ABTB3: variants seen among roughly 807,000 people sequenced by gnomAD.
ABTB3 encodes the protein ankyrin repeat- and BTB/POZ domain-containing protein 3.
chr12:107,578,417 T>C, the ABTB3 span, among the ~76,000 whole-genome samples: 4 of 130,910 alleles, frequency 3.1e-5, no homozygotes, highest in African/African-American at 1.2e-4. Context: ...TTTTTTTTGC[T>C]ATTCTTTGGC....
chr12:107,465,040 AGTAGGAGGGGAGAGT>A, the ABTB3 span, among the ~76,000 whole-genome samples: 1 of 152,098 alleles, frequency 6.6e-6, no homozygotes, highest in Non-Finnish European at 1.5e-5. Flanking sequence ...CCTGGTCTAG[AGTAGGAGGGGAGAGT>A]GTTAAGAATT....
chr12:107,377,554 G>A, the ABTB3 span, among the ~76,000 whole-genome samples: 1 of 152,124 alleles, frequency 6.6e-6, no homozygotes, highest in Non-Finnish European at 1.5e-5. Context: ...GGGTCTTAGA[G>A]GGTCCCATGT....
chr12:107,518,759 A>T, the ABTB3 span, among the ~76,000 whole-genome samples: 1 of 152,208 alleles, frequency 6.6e-6, no homozygotes, highest in Non-Finnish European at 1.5e-5. Context: ...AATAATAAAA[A>T]ATAAATAAAT....
At chr12:107,399,380 A>G in the ABTB3 span, among the ~76,000 whole-genome samples, 1 of 152,218 alleles carries the variant, frequency 6.6e-6, no homozygotes, top group Admixed American at 6.5e-5. Flanking sequence ...GCAGGGGCAC[A>G]GCACCCCACC....
At chr12:107,646,429 CTTATTG>C in the ABTB3 span, among the ~76,000 whole-genome samples, 1 of 148,182 alleles carries the variant, frequency 6.7e-6, no homozygotes, top group Non-Finnish European at 1.5e-5. Flanking sequence ...TCTTAAGGCT[CTTATTG>C]TTATTTGTTT....
chr12:107,336,185 C>T, the ABTB3 span, among the ~76,000 whole-genome samples: 1 of 152,230 alleles, frequency 6.6e-6, no homozygotes, highest in Admixed American at 6.5e-5. Context: ...TGCTTGTTGT[C>T]ATTTGTCAAA....
At chr12:107,376,126 G>C in the ABTB3 span, among the ~76,000 whole-genome samples, 1 of 152,078 alleles carries the variant, frequency 6.6e-6, no homozygotes, top group Admixed American at 6.5e-5. Flanking sequence ...TCTGGTATTT[G>C]CTCCCCTCCT....
the ABTB3 span, among the ~76,000 whole-genome samples, chr12:107,334,634 A>G: frequency 2.6e-5 from 4 of 151,998 alleles, no homozygotes; most frequent in African/African-American, 9.7e-5. Flanking sequence ...CGGATTCAGG[A>G]GAGAGGATGG....
the ABTB3 span, among the ~76,000 whole-genome samples, chr12:107,348,154 AT>A: frequency 6.6e-6 from 1 of 152,086 alleles, no homozygotes; most frequent in East Asian, 1.9e-4. Context: ...CACTACTTTT[AT>A]TTATATGTAC....
the ABTB3 span, among the ~76,000 whole-genome samples, chr12:107,345,125 C>T: frequency 1.3e-5 from 2 of 152,180 alleles, no homozygotes. Context: ...AGGAGAGCCC[C>T]TTTTCACCCA....
chr12:107,612,767 T>C, the ABTB3 span: 19 of 1,608,458 alleles, frequency 1.2e-5, no homozygotes, highest in Non-Finnish European at 1.6e-5. Flanking sequence ...CTCTGGTTTT[T>C]AACTCACCAC....
the ABTB3 span, among the ~76,000 whole-genome samples, chr12:107,360,744 T>G: frequency 1.3e-5 from 2 of 152,018 alleles, no homozygotes; most frequent in African/African-American, 4.8e-5. Flanking sequence ...CATTAGTCAC[T>G]GGGTACATGG....
At chr12:107,556,378 G>A in the ABTB3 span, among the ~76,000 whole-genome samples, 1 of 152,140 alleles carries the variant, frequency 6.6e-6, no homozygotes, top group Non-Finnish European at 1.5e-5. Flanking sequence ...TTACAGGCAT[G>A]AGCCACCACA....
chr12:107,319,518 G>T, the ABTB3 span: 1 of 1,569,212 alleles, frequency 6.4e-7, no homozygotes. Context: ...AACATGAGCA[G>T]CGCCGGCGGC....
chr12:107,337,767 G>A, the ABTB3 span, among the ~76,000 whole-genome samples: 1 of 152,204 alleles, frequency 6.6e-6, no homozygotes, highest in Non-Finnish European at 1.5e-5. Flanking sequence ...CCAAAACTGT[G>A]TCTAGATGTT....
chr12:107,420,356 G>A, the ABTB3 span, among the ~76,000 whole-genome samples: 366 of 152,274 alleles, frequency 2.4e-3, 1 homozygote, highest in African/African-American at 8.2e-3. Context: ...ATGGACTAAC[G>A]GTTTCACATG....
At chr12:107,389,362 A>G in the ABTB3 span, among the ~76,000 whole-genome samples, 3 of 152,332 alleles carry the variant, frequency 2.0e-5, no homozygotes, top group Middle Eastern at 3.4e-3. Context: ...GCTCACTATC[A>G]TCTTAGTTTA....
chr12:107,618,094 G>GCCCTGC, the ABTB3 span: 1 of 1,519,296 alleles, frequency 6.6e-7, no homozygotes, highest in South Asian at 1.2e-5. Context: ...GCCTGCCCCT[G>GCCCTGC]CCCTGCCCCA....
the ABTB3 span, chr12:107,651,870 G>A: frequency 8.6e-7 from 1 of 1,156,902 alleles, no homozygotes; most frequent in Non-Finnish European, 1.3e-6. Flanking sequence ...CAGAGGCAGG[G>A]CAGAGAGTGG....
Sources: gnomAD v4.1 joint callset for allele counts (sites outside exome capture counted in the v4.1 genomes callset) on GRCh38, gnomAD v4.1.1 for gene constraint, MANE v1.5 for transcripts, NCBI Gene and HGNC (gene_info 2026-07-23, HGNC 2026-07-21) for gene names.